The following FARP1 variants were observed in gnomAD, a reference collection of about 807,000 sequenced individuals.
The protein encoded by FARP1 is FERM, ARH/RhoGEF and pleckstrin domain protein 1.
In FARP1, 52 loss-of-function variants were observed where a neutral mutation model predicts 128.8. The ratio of observed to expected loss-of-function variants is 0.40; its 90% confidence interval spans 0.32 to 0.51. The LOEUF (loss-of-function observed/expected upper bound fraction) is 0.51, where lower values mean the gene tolerates loss of function less well. FARP1 is among the 20% of genes least tolerant of loss of function. FARP1 has a pLI of 0.45. For synonymous variants in FARP1, 580 were observed against 551.8 expected (o/e 1.05, Z -0.72); for missense variants, 1,333 against 1,367.9 (o/e 0.97, Z 0.40).
intron 1 of FARP1, among the ~76,000 whole-genome samples, chr13:98,156,977 A>G (rs1876535705): frequency 6.6e-6 from 1 of 152,170 alleles, no homozygotes; most frequent in Non-Finnish European, 1.5e-5. Context: ...AATAAGAAAT[A>G]CCTAATCTGA....
At chr13:98,204,930 A>T (rs285106) in intron 1 of FARP1, among the ~76,000 whole-genome samples, 1 of 151,782 alleles carries the variant, frequency 6.6e-6, no homozygotes, top group Non-Finnish European at 1.5e-5. Flanking sequence ...CCCAGGTGAC[A>T]GAGTGAGACC....
At chr13:98,247,414 T>G (rs1350347719) in intron 2 of FARP1, among the ~76,000 whole-genome samples, 1 of 152,152 alleles carries the variant, frequency 6.6e-6, no homozygotes, top group Non-Finnish European at 1.5e-5. Flanking sequence ...AAAGTCACAC[T>G]AAGCTCTAAA....
intron 2 of FARP1, among the ~76,000 whole-genome samples, chr13:98,296,604 C>G (rs1885708639): frequency 6.6e-6 from 1 of 151,216 alleles, no homozygotes; most frequent in Non-Finnish European, 1.5e-5. Flanking sequence ...CGTAGAATGT[C>G]TGTTTTCCCT....
intron 1 of FARP1, among the ~76,000 whole-genome samples, chr13:98,194,457 T>C (rs1879442707): frequency 6.6e-6 from 1 of 152,208 alleles, no homozygotes; most frequent in Non-Finnish European, 1.5e-5. Context: ...ACATTTCACA[T>C]TATATGCCCA....
intron 1 of FARP1, among the ~76,000 whole-genome samples, chr13:98,201,231 C>T (rs1879923110): frequency 6.6e-6 from 1 of 152,168 alleles, no homozygotes; most frequent in African/African-American, 2.4e-5. Context: ...TCCCTAAAGT[C>T]TGGGAGTTCA....
intron 1 of FARP1, among the ~76,000 whole-genome samples, chr13:98,204,907 C>T (rs1174244829): frequency 6.6e-6 from 1 of 151,894 alleles, no homozygotes; most frequent in Admixed American, 6.6e-5. Flanking sequence ...GTGATCATGC[C>T]ACTGCTCTCT....
intron 1 of FARP1, among the ~76,000 whole-genome samples, chr13:98,146,305 T>C (rs1237318232): frequency 2.6e-5 from 4 of 152,188 alleles, no homozygotes; most frequent in Non-Finnish European, 5.9e-5. Context: ...CTCGGCTCAC[T>C]GAAACCTCTG....
intron 1 of FARP1, among the ~76,000 whole-genome samples, chr13:98,179,345 G>A (rs898212194): frequency 1.3e-5 from 2 of 152,180 alleles, no homozygotes; most frequent in African/African-American, 4.8e-5. Flanking sequence ...TGGTAACTGG[G>A]TCTCTCCCAC....
intron 18 of FARP1, 113 bp downstream of exon 18, chr13:98,431,393 T>C (rs1272174961): frequency 3.1e-6 from 2 of 650,440 alleles, no homozygotes; most frequent in Non-Finnish European, 5.2e-6. Flanking sequence ...CAGCTGATGC[T>C]GGGTCCCAGG....
intron 1 of FARP1, among the ~76,000 whole-genome samples, chr13:98,194,186 G>T (rs563709166): frequency 6.6e-6 from 1 of 151,810 alleles, no homozygotes; most frequent in African/African-American, 2.4e-5. Context: ...GCACAATCTC[G>T]GCTTGTTGCA....
chr13:98,279,732 C>T (rs1884841243), intron 2 of FARP1, among the ~76,000 whole-genome samples: 1 of 152,132 alleles, frequency 6.6e-6, no homozygotes, highest in Admixed American at 6.5e-5. Context: ...TTGCATATAC[C>T]CTGGTAGGTG....
intron 2 of FARP1, among the ~76,000 whole-genome samples, chr13:98,294,567 GATAAA>G (rs1454842675): frequency 6.6e-6 from 1 of 152,138 alleles, no homozygotes. Context: ...TATAGGGAAA[GATAAA>G]ATGAAATAGA....
At chr13:98,230,227 A>G (rs545662116) in intron 2 of FARP1, among the ~76,000 whole-genome samples, 1 of 152,316 alleles carries the variant, frequency 6.6e-6, no homozygotes, top group South Asian at 2.1e-4. Flanking sequence ...TGAGTATAAG[A>G]GGTTTTGGCA....
chr13:98,153,415 T>TAATATATAACACATTATATATA (rs1876205625), intron 1 of FARP1, among the ~76,000 whole-genome samples: 3 of 36,310 alleles, frequency 8.3e-5, no homozygotes, highest in Non-Finnish European at 4.2e-4. Flanking sequence ...TAAATATGTA[T>TAATATATAACACATTATATATA]AATATGTAAC....
At chr13:98,196,578 C>T (rs1253466855) in intron 1 of FARP1, among the ~76,000 whole-genome samples, 1 of 152,062 alleles carries the variant, frequency 6.6e-6, no homozygotes, top group Non-Finnish European at 1.5e-5. Context: ...AACCTAAAAT[C>T]CAGGAAAGAG....
intron 2 of FARP1, among the ~76,000 whole-genome samples, chr13:98,313,313 A>AAC (rs10684013): frequency 0.41 from 56,723 of 139,116 alleles, 11,956 homozygotes; most frequent in Non-Finnish European, 0.47. Flanking sequence ...CCTTCCCCCA[A>AAC]ACACACACAC....
At chr13:98,416,637 C>T (rs1891385001) in intron 16 of FARP1, among the ~76,000 whole-genome samples, 1 of 152,212 alleles carries the variant, frequency 6.6e-6, no homozygotes, top group Non-Finnish European at 1.5e-5. Flanking sequence ...GAACAGTTTA[C>T]TCAGCTGTTC....
In FARP1 at chr13:98,395,510, C is replaced by A. The variant is rs191050367; in HGVS notation, c.1414+34C>A. The stretch of plus-strand genomic sequence containing the variant: ...TCCCGGGCTGCCAGAGGCAGCAGTA[C>A]TTCCATTCCTTTCATTGACTGCAGT... On this transcript the variant is annotated intron_variant, in intron 13 of 26. Transcript: ENST00000319562. 11 of 1,541,316 alleles carry A rather than the reference C, an allele frequency of 7.1e-6. No homozygotes were observed. In the East Asian group the frequency reaches 1.4e-4, roughly 19 times the overall value.
chr13:98,240,466 G>A (rs1882702728), intron 2 of FARP1, among the ~76,000 whole-genome samples: 1 of 152,168 alleles, frequency 6.6e-6, no homozygotes, highest in African/African-American at 2.4e-5. Context: ...AAGAAGGGAG[G>A]TGCAGGGCAC....
Sources: allele counts gnomAD v4.1 joint callset (sites outside exome capture counted in the v4.1 genomes callset), GRCh38; gene constraint gnomAD v4.1.1; transcripts MANE v1.5; gene names NCBI Gene and HGNC (gene_info 2026-07-23, HGNC 2026-07-21).